The following MIB2 variants were observed in gnomAD, a reference collection of about 807,000 sequenced individuals.
MIB2 encodes E3 ubiquitin-protein ligase MIB2.
MIB2 carries 78 observed loss-of-function variants against 96.6 expected under a neutral mutation model. That is an observed-to-expected ratio of 0.81 (90% CI 0.67 to 0.97). The LOEUF (loss-of-function observed/expected upper bound fraction) is 0.97. Among genes scored for constraint, MIB2 ranks in the 50% least tolerant of loss-of-function variants. The pLI is 0.00. For synonymous variants in MIB2, 820 were observed against 629.5 expected (o/e 1.30, Z -4.53); for missense variants, 1,543 against 1,424.0 (o/e 1.08, Z -1.35).
chr1:1,615,390 C>G (rs1276697803), upstream of MIB2: 2 of 1,441,380 alleles, frequency 1.4e-6, no homozygotes, highest in Admixed American at 2.8e-5. Context: ...GCAGGGTAGG[C>G]GACGCAGACG....
At chr1:1,623,278 C>T (rs1449332454) in intron 2 of MIB2, 153 bp from the exon 3 acceptor site, 2 of 1,319,082 alleles carry the variant, frequency 1.5e-6, no homozygotes, top group Non-Finnish European at 2.0e-6. Flanking sequence ...CCTCCTTGGG[C>T]CCTAGGGCTT....
chr1:1,617,514 C>T (rs1211322507), intron 2 of MIB2: 6 of 152,168 alleles, frequency 3.9e-5, no homozygotes, highest in African/African-American at 4.8e-5. Context: ...GTGGTTAAGA[C>T]GGTAAATGCT....
chr1:1,616,014 C>A (rs981764419), intron 1 of MIB2: 3 of 984,636 alleles, frequency 3.0e-6, no homozygotes, highest in Non-Finnish European at 3.6e-6. Context: ...AACGCCGGGA[C>A]AGACCGACAG....
Position 1,629,219 on chromosome 1 carries a change from G to C in MIB2, c.2289G>C (p.Val763=), listed in dbSNP as rs1232596953. Residue 763 remains valine (V), a synonymous_variant, in exon 17 of 20, where the codon GTG becomes GTC. Transcript: ENST00000355826. Reference sequence around the variant, plus strand: ...TCCTGGCGCTGGAGGGCGCCGACGTGAGCTACACCAACCACCGCGGTCGGA... The same window carrying C: ...TCCTGGCGCTGGAGGGCGCCGACGTCAGCTACACCAACCACCGCGGTCGGA... ...ACFLALEGAD[V]SYTNHRGRSP... 2.6e-6 allele frequency: 4 copies of C among 1,540,188 alleles called. No homozygotes were observed. In the Admixed American group the frequency reaches 5.7e-5, roughly 22 times the overall value.
chr1:1,623,424 C>T lies in MIB2; in HGVS notation c.-22-7C>T, dbSNP rs1431673614. On this transcript the variant is annotated splice_region_variant and splice_polypyrimidine_tract_variant and intron_variant, in intron 2 of 19. Coordinates refer to ENST00000355826, the MANE Select transcript of MIB2 (RefSeq NM_001170687.4). ...GCCCGGCCCACCATGGACCCCTCTGCCCACAGGTCCCGAGCAGCCCCGCCC... is the reference window on the plus strand; with the variant it reads ...GCCCGGCCCACCATGGACCCCTCTGTCCACAGGTCCCGAGCAGCCCCGCCC... The T allele has an allele frequency of 2.5e-6, 4 of 1,603,170 alleles. No homozygotes were observed. In the South Asian group the frequency reaches 3.3e-5, roughly 13 times the overall value.
In MIB2 at chr1:1,628,115, G is replaced by A. The variant is rs374912344; in HGVS notation, c.1777G>A (p.Val593Ile). The A allele has an allele frequency of 2.5e-6, 4 of 1,613,382 alleles. No individual in the cohort carries two copies. The highest frequency in any genetic ancestry group is 3.4e-6 in the Non-Finnish European group (4 of 1,179,994). ...EVLTEVPNID[V>I]TATNSQGFTL... ...CCTCACGGAGGTGCCAAACATCGAT[G>A]TTACCGCCACCAACAGCCAGGGTTT... is the stretch of plus-strand genomic sequence containing the variant. The change falls in exon 14 of 20, where the codon GTT (valine) becomes ATT (isoleucine). Residue 593 changes from valine to isoleucine, a missense_variant. Transcript: ENST00000355826.
intron 1 of MIB2, chr1:1,615,842 C>G (rs1230781185): frequency 3.2e-6 from 4 of 1,233,856 alleles, no homozygotes; most frequent in Non-Finnish European, 4.0e-6. Context: ...TCCGGCCACC[C>G]GCGCGGGACT....
chr1:1,628,525 C>G lies in MIB2; in HGVS notation c.2005C>G (p.Gln669Glu). Residue 669 changes from glutamine (Q) to glutamate (E), a missense_variant, in exon 16 of 20, where the codon CAG becomes GAG. Coordinates refer to ENST00000355826, the MANE Select transcript of MIB2 (RefSeq NM_001170687.4). ...CDVNVRNRKL[Q>E]SPLHLAVQQA... The stretch of plus-strand genomic sequence containing the variant: ...CGTGAACGTGCGCAACCGGAAGCTG[C>G]AGTCCCCGCTGCATCTCGCCGTGCA... 6.2e-7 allele frequency: 1 copy of G among 1,600,920 alleles called. No individual in the cohort carries two copies.
chr1:1,629,911 A>G (rs1371344710), intron 19 of MIB2, among the ~76,000 whole-genome samples: 3 of 123,324 alleles, frequency 2.4e-5, no homozygotes, highest in African/African-American at 9.3e-5. Flanking sequence ...CCCCGCCTCA[A>G]GGTAACACCC....
rs774268732 is a variant in MIB2, at chr1:1,629,597, C to T, written c.2563+31C>T. On this transcript the variant is annotated intron_variant, in intron 18 of 19. Transcript: ENST00000355826. ...TGGGGGGCCCCGGGGTGGGGAGGCC[C>T]GGCTAGTAGGGCCGCAGCCAACCGC... The T allele has an allele frequency of 3.6e-5, 56 of 1,565,296 alleles. No individual in the cohort carries two copies. In the East Asian group the frequency reaches 1.1e-3, roughly 30 times the overall value.
rs1231400098 is a variant in MIB2 at position 1,626,932 on chromosome 1, C to G, written c.1173C>G (p.Cys391Trp). Residue 391 changes from cysteine (C) to tryptophan (W), a missense_variant, in exon 10 of 20, where the codon TGC becomes TGG. Transcript: ENST00000355826. This position sits in a 1 kb window ranked among gnomAD's most constrained non-coding sequence, Gnocchi z 5.3. The stretch of plus-strand genomic sequence containing the variant: ...AGCGGTGGACCTTCAGCCCCTCCTG[C>G]CTGGTGGCCTACCGGCCCGAGGAGG... ...AGQRWTFSPS[C>W]LVAYRPEEDA... 6.2e-7 allele frequency: 1 copy of G among 1,610,582 alleles called. No homozygotes were observed. Among genetic ancestry groups the G allele is most frequent in the South Asian group, 1.1e-5 (1 of 90,894 alleles).
Position 1,629,631 on chromosome 1 carries a change from C to G in MIB2, c.2564-8C>G. The G allele has an allele frequency of 6.3e-7, 1 of 1,587,592 alleles. No individual in the cohort carries two copies. The highest frequency in any genetic ancestry group is 8.6e-7 in the Non-Finnish European group (1 of 1,167,636). On this transcript the variant is annotated splice_polypyrimidine_tract_variant and splice_region_variant and intron_variant, in intron 18 of 19. Transcript: ENST00000355826. Reference sequence around the variant, plus strand: ...GGGCCGCAGCCAACCGCGCTCTCCTCTTCGCAGAGTGCGCGCGCAGGATGA... The same window carrying G: ...GGGCCGCAGCCAACCGCGCTCTCCTGTTCGCAGAGTGCGCGCGCAGGATGA...
intron 16 of MIB2, 53 bp from the exon 17 acceptor site, chr1:1,629,080 C>G: frequency 1.4e-6 from 2 of 1,387,340 alleles, no homozygotes; most frequent in South Asian, 1.6e-5. Context: ...GGAGACGCCT[C>G]CCTCGGGCCT....
intron 19 of MIB2, 40 bp downstream of exon 19, chr1:1,629,744 G>C (rs1202945909): frequency 6.5e-7 from 1 of 1,532,408 alleles, no homozygotes; most frequent in Non-Finnish European, 8.8e-7. Context: ...CTCCTGCTCA[G>C]CTGGTGGCCC....
In MIB2 at chr1:1,625,062, A is replaced by T. The variant is rs765986990; in HGVS notation, c.598A>T (p.Ser200Cys). Residue 200 changes from serine (S) to cysteine (C), a missense_variant, in exon 6 of 20, where the codon AGC (serine) becomes TGC (cysteine). By Grantham distance (112) the Ser-to-Cys change is moderately radical. Coordinates refer to ENST00000355826, the MANE Select transcript of MIB2 (RefSeq NM_001170687.4). The surrounding 1 kb of genome is among the most constrained non-coding windows in gnomAD (Gnocchi z 5.0). ...WDVETGRSVASVTWADGTTNV... is the reference protein window; with the variant it reads ...WDVETGRSVACVTWADGTTNV... ...TGTGGAGACAGGCCGGAGTGTGGCC[A>T]GCGTGACGTGGGCTGATGGTACCAC... 16 of 1,613,282 alleles carry T rather than the reference A, an allele frequency of 9.9e-6. No homozygotes were observed. Among genetic ancestry groups the T allele is most frequent in the Non-Finnish European group, 1.2e-5 (14 of 1,180,002 alleles).
chr1:1,623,652 G>A lies in MIB2; in HGVS notation c.200G>A (p.Gly67Asp), dbSNP rs1644463749. 8.8e-6 allele frequency: 13 copies of A among 1,478,212 alleles called. No individual in the cohort carries two copies. The highest frequency in any genetic ancestry group is 1.2e-5 in the Non-Finnish European group (13 of 1,111,408). The allele number at this position is 1,478,212 out of a possible 1,614,324, so 91.6% of individuals were successfully genotyped here. The change falls in exon 3 of 20, where the codon GGC (glycine) becomes GAC (aspartate). Residue 67 changes from glycine to aspartate, a missense_variant. Physicochemically the swap from Gly to Asp is moderately conservative, Grantham distance 94. Coordinates refer to ENST00000355826, the MANE Select transcript of MIB2 (RefSeq NM_001170687.4). ...DQGTRTNYRA[G>D]YQGAHDLLLY... ...GGCACGCGCACCAACTACCGCGCCG[G>A]CTACCAGGGCGCGCACGACCTGCTG...
rs1465264643 is a variant in MIB2, at chr1:1,625,512, C to A, written c.865-34C>A. ...AGCCCCTTCCTCCCCAAGCGTCCAG[C>A]CCGACCCAGCCACAGCTCCATGACC... On this transcript the variant is annotated intron_variant, in intron 7 of 19. Coordinates refer to ENST00000355826, the MANE Select transcript of MIB2 (RefSeq NM_001170687.4). The surrounding 1 kb of genome is among the most constrained non-coding windows in gnomAD (Gnocchi z 5.0). The A allele has an allele frequency of 1.9e-6, 3 of 1,549,386 alleles. No individual in the cohort carries two copies. The highest frequency in any genetic ancestry group is 1.9e-5 in the Admixed American group (1 of 51,352).
rs763720497 is a variant in MIB2 at position 1,626,630 on chromosome 1, C to T, written c.973-20C>T. ...CCACACACAGCTGGGGGGCCCCTCACGCCCCTCTTTGTCGCTCAGCACCAC... is the reference window on the plus strand; with the variant it reads ...CCACACACAGCTGGGGGGCCCCTCATGCCCCTCTTTGTCGCTCAGCACCAC... On this transcript the variant is annotated intron_variant, in intron 8 of 19. Coordinates refer to ENST00000355826, the MANE Select transcript of MIB2 (RefSeq NM_001170687.4). This position sits in a 1 kb window ranked among gnomAD's most constrained non-coding sequence, Gnocchi z 5.3. The T allele has an allele frequency of 2.9e-5, 44 of 1,527,494 alleles. No homozygotes were observed. The highest frequency in any genetic ancestry group is 3.7e-4 in the Middle Eastern group (2 of 5,408). The allele number at this position is 1,527,494 out of a possible 1,614,324, so 94.6% of individuals were successfully genotyped here. A position where few individuals can be genotyped will look rare whatever the true frequency, so the allele number is the denominator to read the frequency against.
intron 2 of MIB2, among the ~76,000 whole-genome samples, chr1:1,621,415 C>T (rs1644251912): frequency 6.6e-6 from 1 of 152,256 alleles, no homozygotes; most frequent in Non-Finnish European, 1.5e-5. Flanking sequence ...CCACGGGACC[C>T]CTCTCCTTGT....
Sources: allele counts gnomAD v4.1 joint callset (sites outside exome capture counted in the v4.1 genomes callset), GRCh38; gene constraint gnomAD v4.1.1; non-coding constraint Gnocchi (gnomAD v3.1); transcripts MANE v1.5; gene names NCBI Gene and HGNC (gene_info 2026-07-23, HGNC 2026-07-21).